ASIC2: variants seen among roughly 807,000 people sequenced by gnomAD.
ASIC2 encodes acid sensing ion channel subunit 2.
Under a neutral mutation model 57.3 loss-of-function variants are expected in ASIC2, and 25 were observed. The observed-to-expected ratio is 0.44, with a 90% CI of 0.32 to 0.61. The LOEUF is 0.61. Ranked by LOEUF, ASIC2 falls within the 20% of genes least tolerant of loss-of-function variation. The pLI, the probability that ASIC2 is intolerant of heterozygous loss-of-function variation, is 0.06. For missense variants in ASIC2, 641 were observed against 738.1 expected, an observed-to-expected ratio of 0.87 and a Z score of 1.52; for synonymous variants, 319 against 307.5, an observed-to-expected ratio of 1.04 and a Z score of -0.39.
At chr17:33,681,473 A>T (rs1185462143) in intron 1 of ASIC2, among the ~76,000 whole-genome samples, 1 of 135,102 alleles carries the variant, frequency 7.4e-6, no homozygotes, top group Admixed American at 7.1e-5. Flanking sequence ...TGGGTTGGGA[A>T]CTACCAGTTT....
At chr17:33,717,608 C>T (rs576886049) in intron 1 of ASIC2, among the ~76,000 whole-genome samples, 1 of 152,332 alleles carries the variant, frequency 6.6e-6, no homozygotes, top group African/African-American at 2.4e-5. Flanking sequence ...GCCATGACGC[C>T]TGGCTTCCTC....
At chr17:33,673,897 C>CTTTTTTTTTTTTTTTTTT (rs574986885) in intron 1 of ASIC2, among the ~76,000 whole-genome samples, 2 of 141,132 alleles carry the variant, frequency 1.4e-5, no homozygotes, top group African/African-American at 5.4e-5. Context: ...GCATCCGTGT[C>CTTTTTTTTTTTTTTTTTT]TTTTTTTTTT....
intron 1 of ASIC2, among the ~76,000 whole-genome samples, chr17:33,564,825 G>T: frequency 9.7e-6 from 1 of 103,508 alleles, no homozygotes; most frequent in East Asian, 2.2e-4. Context: ...ATGGAAAACT[G>T]CTTAAATGCA....
rs565363841 is a variant in ASIC2 at position 33,200,117 on chromosome 17, T to C, written c.709-88050A>G. Among the ~76,000 whole-genome samples, 42 of 152,332 alleles carry C rather than the reference T, an allele frequency of 2.8e-4. 1 individual carries two copies. In the South Asian group the frequency reaches 8.5e-3, roughly 31 times the overall value. On this transcript the variant is annotated intron_variant, in intron 1 of 9. Coordinates refer to ENST00000225823, the MANE Select transcript of ASIC2 (RefSeq NM_183377.2). ...TTAGGGGAAGCTGAGGGGTCCTCTC[T>C]AGAAGGACTTCAGTGTTAGCTTTCT...
At chr17:33,596,783 C>T (rs116617386) in intron 1 of ASIC2, among the ~76,000 whole-genome samples, 1 of 152,172 alleles carries the variant, frequency 6.6e-6, no homozygotes, top group Non-Finnish European at 1.5e-5. Flanking sequence ...AACAGAGTGG[C>T]TTATGCTCTT....
At chr17:34,052,387 T>A (rs1374050094) in intron 1 of ASIC2, among the ~76,000 whole-genome samples, 1 of 152,192 alleles carries the variant, frequency 6.6e-6, no homozygotes, top group Non-Finnish European at 1.5e-5. Context: ...TGGGATATAT[T>A]GCCACCGGAA....
At position 33,661,541 on chromosome 17, in the gene ASIC2, C is replaced by T. The variant is rs376292385; in HGVS notation, c.555+494437G>A. Among the ~76,000 whole-genome samples, 20 of 152,272 alleles carry T rather than the reference C, an allele frequency of 1.3e-4. No homozygotes were observed. In the East Asian group the frequency reaches 3.3e-3, roughly 25 times the overall value. ...CAAGACATTGAATGATTCTGGACCT[C>T]GGTTTCCCTATCTTATTCCTAGCCA... is the stretch of plus-strand genomic sequence containing the variant. On this transcript the variant is annotated intron_variant, in intron 1 of 9. Transcript: ENST00000359872.
At chr17:33,715,801 A>G (rs1366837098) in intron 1 of ASIC2, among the ~76,000 whole-genome samples, 1 of 152,196 alleles carries the variant, frequency 6.6e-6, no homozygotes, top group Non-Finnish European at 1.5e-5. Flanking sequence ...CCAAAATAAG[A>G]TCATGTCCCT....
chr17:33,806,127 T>G (rs950358602), intron 1 of ASIC2, among the ~76,000 whole-genome samples: 12 of 152,274 alleles, frequency 7.9e-5, no homozygotes, highest in African/African-American at 2.9e-4. Context: ...ACTCAAGAAT[T>G]TATCACACAA....
At chr17:33,982,336 G>A (rs887714444) in intron 1 of ASIC2, among the ~76,000 whole-genome samples, 3 of 152,236 alleles carry the variant, frequency 2.0e-5, no homozygotes, top group African/African-American at 7.2e-5. Flanking sequence ...AGAGAAGGCT[G>A]GAGACAGTTA....
chr17:33,340,765 G>A (rs1173519266), intron 1 of ASIC2, among the ~76,000 whole-genome samples: 2 of 152,100 alleles, frequency 1.3e-5, no homozygotes, highest in East Asian at 3.9e-4. Flanking sequence ...TGTTGGGGCA[G>A]CAGAGTGTGT....
At chr17:33,495,688 C>T (rs1287508880) in intron 1 of ASIC2, among the ~76,000 whole-genome samples, 1 of 152,206 alleles carries the variant, frequency 6.6e-6, no homozygotes, top group Non-Finnish European at 1.5e-5. Context: ...GCCCCCCACC[C>T]TCCTGAAGCT....
At chr17:33,045,380 A>G (rs2091949412) in intron 3 of ASIC2, among the ~76,000 whole-genome samples, 1 of 152,180 alleles carries the variant, frequency 6.6e-6, no homozygotes, top group African/African-American at 2.4e-5. Flanking sequence ...GAGTGCTGTC[A>G]GCGGCGCCGG....
At chr17:33,477,046 CATCT>C (rs1567625128) in intron 1 of ASIC2, among the ~76,000 whole-genome samples, 1 of 152,078 alleles carries the variant, frequency 6.6e-6, no homozygotes, top group Admixed American at 6.6e-5. Context: ...GTATACTATA[CATCT>C]ATCTGTCTAT....
chr17:33,443,704 C>T (rs574184411), intron 1 of ASIC2, among the ~76,000 whole-genome samples: 1 of 151,706 alleles, frequency 6.6e-6, no homozygotes, highest in Non-Finnish European at 1.5e-5. Context: ...GCGTGAGCCA[C>T]CGCGCCCGGC....
chr17:33,090,181 A>T (rs2092151884), intron 2 of ASIC2, among the ~76,000 whole-genome samples: 1 of 152,116 alleles, frequency 6.6e-6, no homozygotes. Flanking sequence ...ATGTCTTTCT[A>T]CCTTGTCCAC....
At chr17:33,473,475 G>A (rs1913119680) in intron 1 of ASIC2, among the ~76,000 whole-genome samples, 1 of 151,912 alleles carries the variant, frequency 6.6e-6, no homozygotes, top group Non-Finnish European at 1.5e-5. Context: ...AGCCTTTGGA[G>A]GCGGGGACTT....
chr17:33,353,989 C>A (rs867249419), intron 1 of ASIC2, among the ~76,000 whole-genome samples: 6 of 152,090 alleles, frequency 3.9e-5, no homozygotes, highest in Admixed American at 1.3e-4. Context: ...GCTGGGGAGG[C>A]CTCACATTCA....
At chr17:33,353,729 C>T (rs1318786692) in intron 1 of ASIC2, among the ~76,000 whole-genome samples, 1 of 152,150 alleles carries the variant, frequency 6.6e-6, no homozygotes, top group Non-Finnish European at 1.5e-5. Flanking sequence ...CTAGGAGTCC[C>T]ATAGGTCTTG....
Sources: allele counts gnomAD v4.1 joint callset (sites outside exome capture counted in the v4.1 genomes callset), GRCh38; gene constraint gnomAD v4.1.1; transcripts MANE v1.5; gene names NCBI Gene and HGNC (gene_info 2026-07-23, HGNC 2026-07-21).